The following LIPJ variants were observed in gnomAD, a reference collection of about 807,000 sequenced individuals.
LIPJ encodes the protein lipase family member J.
Under a neutral mutation model 39.8 loss-of-function variants are expected in LIPJ, and 33 were observed. That is an observed-to-expected ratio of 0.83 (90% confidence interval 0.63 to 1.11). The LOEUF (loss-of-function observed/expected upper bound fraction) is 1.11. Among genes scored for constraint, LIPJ ranks in the 50% least tolerant of loss-of-function variants. The probability of loss-of-function intolerance (pLI) is 0.00; values close to 1 mark genes in which losing one functional copy is unlikely to be tolerated. For synonymous variants in LIPJ, 128 were observed against 139.2 expected, an observed-to-expected ratio of 0.92 and a Z score of 0.57; for missense variants, 422 against 427.9, an observed-to-expected ratio of 0.99 and a Z score of 0.12.
chr10:88,620,413 T>A, the LIPJ span, among the ~76,000 whole-genome samples: 1 of 152,142 alleles, frequency 6.6e-6, no homozygotes, highest in Non-Finnish European at 1.5e-5. Context: ...AGAAGTGAGA[T>A]CAAAGATAAC....
In LIPJ at chr10:88,595,843, G is replaced by A. The variant is rs1259652131; in HGVS notation, c.440-437G>A. Among the ~76,000 whole-genome samples the A allele has an allele frequency of 1.3e-5, 2 of 151,474 alleles. 1 individual carries two copies. Among genetic ancestry groups the A allele is most frequent in the Non-Finnish European group, 3.0e-5 (2 of 67,594 alleles). On this transcript the variant is annotated intron_variant, in intron 6 of 10. Coordinates refer to ENST00000371939, the Ensembl canonical transcript of LIPJ. ...TAAAATAAGATGCTTAGTATCCTCT[G>A]TATAAGAAGATAAGGAGTTTTAAAA... is the stretch of plus-strand genomic sequence containing the variant.
At position 88,598,962 on chromosome 10, in the gene LIPJ, A is replaced by AAT. The variant is rs1851357390; in HGVS notation, c.723+2031_723+2032dup. On this transcript the variant is annotated intron_variant, in intron 8 of 10. Coordinates refer to ENST00000371939, the Ensembl canonical transcript of LIPJ. ...TATTTTATATTGTATTTAATAATATAATATATTATATTATTACAATAATAT... is the reference window on the plus strand; with the variant it reads ...TATTTTATATTGTATTTAATAATATAATATATATTATATTATTACAATAATAT... 2.7e-5 allele frequency among the ~76,000 whole-genome samples: 4 copies of AAT among 146,130 alleles called. 1 individual carries two copies. Among genetic ancestry groups the AAT allele is most frequent in the African/African-American group, 1.0e-4 (4 of 40,126 alleles).
At chr10:88,582,964 T>G, upstream of LIPJ, 1 of 1,278,018 alleles carries the variant, frequency 7.8e-7, no homozygotes, top group Non-Finnish European at 1.1e-6. Context: ...CTCAGGGAGC[T>G]GAGGGTATAG....
chr10:88,610,441 G>A (rs778015815), downstream of LIPJ, among the ~76,000 whole-genome samples: 1 of 151,892 alleles, frequency 6.6e-6, no homozygotes, highest in South Asian at 2.1e-4. Flanking sequence ...GTTCACATTG[G>A]CAGATGCAAT....
chr10:88,593,380 A>T (rs1234142821), intron 4 of LIPJ: 1 of 151,784 alleles, frequency 6.6e-6, no homozygotes, highest in Non-Finnish European at 1.5e-5. Context: ...CTTATTGGGG[A>T]ATCACTAATA....
downstream of LIPJ, among the ~76,000 whole-genome samples, chr10:88,608,895 A>G (rs1851717858): frequency 6.6e-6 from 1 of 152,224 alleles, no homozygotes; most frequent in Admixed American, 6.5e-5. Context: ...TTATTTGCAT[A>G]GGGTGTACAA....
chr10:88,590,797 A>G, intron 3 of LIPJ, 101 bp downstream of exon 3: 1 of 794,500 alleles, frequency 1.3e-6, no homozygotes, highest in Non-Finnish European at 2.1e-6. Context: ...AAACGTATAC[A>G]TCTATATGTT....
At chr10:88,591,815 A>C (rs1851089926) in intron 4 of LIPJ, 2 of 165,362 alleles carry the variant, frequency 1.2e-5, no homozygotes, top group African/African-American at 4.8e-5. Flanking sequence ...CAATAACATT[A>C]TTATGCTCTA....
chr10:88,606,089 T>C (rs1400946312), intron 10 of LIPJ, among the ~76,000 whole-genome samples: 2 of 152,150 alleles, frequency 1.3e-5, no homozygotes. Flanking sequence ...AAAACATATA[T>C]AATAATTAGG....
rs1491099477 is a variant in LIPJ at position 88,602,566 on chromosome 10, T to TA, written c.724-9dup. 4.9e-6 allele frequency: 7 copies of TA among 1,434,524 alleles called. No individual in the cohort carries two copies. The African/African-American group carries it at 6.0e-5, about 12-fold the overall frequency. The allele number at this position is 1,434,524 out of a possible 1,614,324, so 88.9% of individuals were successfully genotyped here. ...ATAAAAATGCTTTTTTTTTTTTTTTTACCCCTCAGAGTCGTTTGGATGTGT... is the reference window on the plus strand; with the variant it reads ...ATAAAAATGCTTTTTTTTTTTTTTTTAACCCCTCAGAGTCGTTTGGATGTGT... On this transcript the variant is annotated splice_polypyrimidine_tract_variant and intron_variant, in intron 8 of 10. Transcript: ENST00000371939.
the LIPJ span, among the ~76,000 whole-genome samples, chr10:88,617,542 G>C: frequency 3.3e-5 from 5 of 152,158 alleles, no homozygotes; most frequent in African/African-American, 1.2e-4. Context: ...AGACAGAGAG[G>C]AGGGAAGGAA....
downstream of LIPJ, among the ~76,000 whole-genome samples, chr10:88,607,199 T>C (rs947539839): frequency 2.6e-5 from 4 of 152,286 alleles, no homozygotes; most frequent in Non-Finnish European, 4.4e-5. Flanking sequence ...GATAACTTTT[T>C]AAGAAAGTTT....
At chr10:88,586,721 A>G (rs1022443513), upstream of LIPJ, 6 of 152,262 alleles carry the variant, frequency 3.9e-5, no homozygotes, top group African/African-American at 1.2e-4. Context: ...GTCATGTTCA[A>G]CGCAGTTTCC....
At chr10:88,590,606 C>A in exon 3 of LIPJ, 1 of 1,128,632 alleles carries the variant, frequency 8.9e-7, no homozygotes, top group Non-Finnish European at 1.3e-6. Flanking sequence ...GGTATCTTTT[C>A]ACAATGATGT....
chr10:88,606,924 G>C, exon 11 of LIPJ: 1 of 1,464,492 alleles, frequency 6.8e-7, no homozygotes, highest in Non-Finnish European at 9.1e-7. Context: ...ATGGCGCTGT[G>C]TGTTTAAAGA....
chr10:88,593,349 T>A (rs184464861), intron 4 of LIPJ: 3 of 151,998 alleles, frequency 2.0e-5, no homozygotes, highest in East Asian at 3.9e-4. Flanking sequence ...AAGCTCTTGT[T>A]CCTCAGACTC....
At chr10:88,607,313 C>G (rs1183630505), downstream of LIPJ, among the ~76,000 whole-genome samples, 23 of 152,030 alleles carry the variant, frequency 1.5e-4, no homozygotes. Flanking sequence ...AGTAAAAACA[C>G]TTTTCAAGTT....
chr10:88,591,420 G>C (rs771213918), exon 4 of LIPJ: 1 of 1,603,722 alleles, frequency 6.2e-7, no homozygotes, highest in Non-Finnish European at 8.5e-7. Flanking sequence ...TGAAGAATAT[G>C]ATATTGTAAC....
intron 8 of LIPJ, 113 bp downstream of exon 8, chr10:88,597,049 G>A (rs897553734): frequency 1.7e-6 from 1 of 588,262 alleles, no homozygotes; most frequent in Non-Finnish European, 2.9e-6. Context: ...ACATACACTA[G>A]TAGTCAGATT....
Sources: gnomAD v4.1 joint callset for allele counts (sites outside exome capture counted in the v4.1 genomes callset) on GRCh38, gnomAD v4.1.1 for gene constraint, MANE v1.5 for transcripts, NCBI Gene and HGNC (gene_info 2026-07-23, HGNC 2026-07-21) for gene names.